SBF2: variants seen among roughly 807,000 people sequenced by gnomAD.
SBF2 encodes the protein SET binding factor 2, also known as myotubularin-related protein 13.
In SBF2, 112 loss-of-function variants were observed where a neutral mutation model predicts 225.2. The observed-to-expected ratio is 0.50, with a 90% CI of 0.43 to 0.58. SBF2 has a LOEUF of 0.58. SBF2 is among the 20% of genes least tolerant of loss of function. SBF2 has a pLI of 0.00. For synonymous variants in SBF2, 763 were observed against 773.3 expected, an observed-to-expected ratio of 0.99 and a Z score of 0.22; for missense variants, 1,996 against 2,206.2, an observed-to-expected ratio of 0.90 and a Z score of 1.91.
rs1445991162 is a variant in SBF2 at position 9,778,675 on chromosome 11, T to TAAA, written c.*1742_*1743insTTT. 1.3e-5 allele frequency: 2 copies of TAAA among 152,586 alleles called. No homozygotes were observed. The highest frequency in any genetic ancestry group is 3.8e-4 in the East Asian group (2 of 5,204). 9.5% of individuals were successfully genotyped at this position (152,586 alleles called of 1,614,324 possible). A position where few individuals can be genotyped will look rare whatever the true frequency, so the allele number is the denominator to read the frequency against. On this transcript the variant is annotated 3_prime_UTR_variant, in exon 40 of 40. Transcript: ENST00000256190. ...GAGAATGAAGGAACAAAGTGGGTCA[T>TAAA]GCTTTGTTTTATTCTTGAACCTTTA...
intron 2 of SBF2, among the ~76,000 whole-genome samples, chr11:10,093,382 G>GAA (rs34568610): frequency 7.9e-6 from 1 of 126,816 alleles, no homozygotes; most frequent in Non-Finnish European, 1.7e-5. Flanking sequence ...TGGTCAGCTG[G>GAA]AAAAAAAAAA....
intron 33 of SBF2, among the ~76,000 whole-genome samples, chr11:9,794,699 A>AAAAAAAAAAAAAG (rs1564859829): frequency 6.8e-6 from 1 of 147,162 alleles, no homozygotes; most frequent in African/African-American, 2.5e-5. Context: ...AAAAAAAAAA[A>AAAAAAAAAAAAAG]AAAAAAAAGA....
chr11:10,044,521 G>A (rs1949779920), intron 2 of SBF2: 1 of 209,890 alleles, frequency 4.8e-6, no homozygotes, highest in South Asian at 8.0e-5. Context: ...ACACTCACCA[G>A]ACTATGGAGG....
intron 2 of SBF2, among the ~76,000 whole-genome samples, chr11:10,134,125 G>T (rs540841690): frequency 6.6e-6 from 1 of 152,148 alleles, no homozygotes; most frequent in Admixed American, 6.5e-5. Context: ...AAGGTGAAAG[G>T]CATATCTCAC....
At chr11:10,194,021 G>A in intron 1 of SBF2, 34 bp from the exon 2 acceptor site, 2 of 1,393,276 alleles carry the variant, frequency 1.4e-6, no homozygotes, top group Non-Finnish European at 2.0e-6. Context: ...CATTATTATA[G>A]GACACTAAAA....
chr11:9,892,005 G>A (rs1860862259), intron 17 of SBF2, among the ~76,000 whole-genome samples: 2 of 152,080 alleles, frequency 1.3e-5, no homozygotes, highest in South Asian at 2.1e-4. Context: ...AAATAATTAG[G>A]TATATGTGCT....
intron 17 of SBF2, among the ~76,000 whole-genome samples, chr11:9,886,506 C>T (rs1048192119): frequency 6.6e-6 from 1 of 151,842 alleles, no homozygotes; most frequent in Non-Finnish European, 1.5e-5. Context: ...TGGACAGATC[C>T]ACATAGAAGT....
At chr11:9,979,215 C>T (rs370177094) in intron 13 of SBF2, among the ~76,000 whole-genome samples, 2 of 152,064 alleles carry the variant, frequency 1.3e-5, no homozygotes, top group Admixed American at 6.5e-5. Flanking sequence ...CTTACATTGT[C>T]GTTATGAGGA....
chr11:10,034,078 G>C (rs535783555), intron 3 of SBF2, among the ~76,000 whole-genome samples: 15 of 152,092 alleles, frequency 9.9e-5, no homozygotes, highest in African/African-American at 3.6e-4. Context: ...CATTAAATTG[G>C]CCACTTAAAG....
At chr11:10,290,671 G>A (rs1469580561) in intron 1 of SBF2, among the ~76,000 whole-genome samples, 2 of 152,122 alleles carry the variant, frequency 1.3e-5, no homozygotes, top group Non-Finnish European at 2.9e-5. Flanking sequence ...CACTGTCAGA[G>A]AAGAACGTTA....
chr11:10,119,718 T>C (rs367719675), intron 2 of SBF2, among the ~76,000 whole-genome samples: 3 of 152,312 alleles, frequency 2.0e-5, no homozygotes, highest in African/African-American at 7.2e-5. Flanking sequence ...TTTAATCTCC[T>C]GGGATAAAAT....
At chr11:10,130,338 G>A (rs563255547) in intron 2 of SBF2, among the ~76,000 whole-genome samples, 1 of 151,948 alleles carries the variant, frequency 6.6e-6, no homozygotes, top group East Asian at 1.9e-4. Context: ...CTCCAGCCTG[G>A]GTGACAGAGC....
At chr11:9,823,480 G>T (rs996309226) in intron 28 of SBF2, among the ~76,000 whole-genome samples, 2 of 149,968 alleles carry the variant, frequency 1.3e-5, no homozygotes, top group Admixed American at 6.7e-5. Context: ...AAAAAGGCTA[G>T]GAAGAAGAAC....
chr11:9,873,977 G>GTC (rs1316213371), intron 17 of SBF2, among the ~76,000 whole-genome samples: 5 of 151,818 alleles, frequency 3.3e-5, no homozygotes, highest in Non-Finnish European at 7.4e-5. Context: ...TGAACCCGTG[G>GTC]TCTCTCAAGA....
At chr11:9,995,053 A>G (rs1181981787) in intron 9 of SBF2, among the ~76,000 whole-genome samples, 1 of 145,556 alleles carries the variant, frequency 6.9e-6, no homozygotes, top group Non-Finnish European at 1.5e-5. Context: ...AAAAAAAAAA[A>G]TAAAAATTAC....
At chr11:10,124,969 G>A (rs1310012056) in intron 2 of SBF2, among the ~76,000 whole-genome samples, 2 of 151,998 alleles carry the variant, frequency 1.3e-5, no homozygotes, top group Non-Finnish European at 2.9e-5. Context: ...GCCGGGCGTG[G>A]TGGCAGGTGC....
At chr11:10,014,593 C>T (rs1948583649) in intron 6 of SBF2, among the ~76,000 whole-genome samples, 1 of 148,024 alleles carries the variant, frequency 6.8e-6, no homozygotes, top group South Asian at 2.2e-4. Flanking sequence ...TGAGTTTGTA[C>T]AGTCAAATAC....
At chr11:9,899,141 G>A (rs1861513448) in intron 16 of SBF2, among the ~76,000 whole-genome samples, 3 of 151,888 alleles carry the variant, frequency 2.0e-5, no homozygotes, top group Non-Finnish European at 2.9e-5. Flanking sequence ...GAACAGGTGA[G>A]TAGAATAAAA....
chr11:9,940,731 A>T (rs1366081843), intron 16 of SBF2, among the ~76,000 whole-genome samples: 2 of 152,234 alleles, frequency 1.3e-5, no homozygotes, highest in African/African-American at 2.4e-5. Flanking sequence ...CTAAGGACTC[A>T]TTGTGAACTC....
Sources: allele counts gnomAD v4.1 joint callset (sites outside exome capture counted in the v4.1 genomes callset), GRCh38; gene constraint gnomAD v4.1.1; transcripts MANE v1.5; gene names NCBI Gene and HGNC (gene_info 2026-07-23, HGNC 2026-07-21).